Variants in CNTNAP4 observed in about 807,000 individuals in gnomAD.
CNTNAP4 encodes contactin associated protein family member 4, also known as contactin-associated protein-like 4.
CNTNAP4 carries 98 observed loss-of-function variants against 148.4 expected under a neutral mutation model. That is an observed-to-expected ratio of 0.66 (90% CI 0.56 to 0.78). The LOEUF (loss-of-function observed/expected upper bound fraction) is 0.78. Among genes scored for constraint, CNTNAP4 ranks in the 30% least tolerant of loss-of-function variants. The pLI is 0.00. For missense variants in CNTNAP4, 1,935 were observed against 1,565.6 expected (o/e 1.24, Z -3.98); for synonymous variants, 730 against 565.1 (o/e 1.29, Z -4.14).
At chr16:76,320,177 A>G (rs540081585) in intron 2 of CNTNAP4, among the ~76,000 whole-genome samples, 9 of 152,214 alleles carry the variant, frequency 5.9e-5, no homozygotes, top group Non-Finnish European at 1.2e-4. Context: ...AGGGAAAGCA[A>G]TCCTTGTTAA....
intron 3 of CNTNAP4, among the ~76,000 whole-genome samples, chr16:76,414,379 A>C (rs2078906481): frequency 6.6e-6 from 1 of 151,400 alleles, no homozygotes; most frequent in Non-Finnish European, 1.5e-5. Context: ...AACTCGATTG[A>C]GATATGATTT....
chr16:76,363,696 G>C (rs566530215), intron 3 of CNTNAP4, among the ~76,000 whole-genome samples: 1 of 152,128 alleles, frequency 6.6e-6, no homozygotes, highest in South Asian at 2.1e-4. Context: ...AAGTGAACAG[G>C]CATCCTAAAG....
At chr16:76,351,348 C>CAT (rs1237789822) in intron 2 of CNTNAP4, among the ~76,000 whole-genome samples, 1 of 149,190 alleles carries the variant, frequency 6.7e-6, no homozygotes, top group Non-Finnish European at 1.5e-5. Flanking sequence ...CACTAGCTGT[C>CAT]ATCATAGGCT....
At chr16:76,373,930 C>G (rs901025139) in intron 3 of CNTNAP4, among the ~76,000 whole-genome samples, 2 of 145,918 alleles carry the variant, frequency 1.4e-5, no homozygotes, top group African/African-American at 5.0e-5. Flanking sequence ...GGAAAGGAAA[C>G]AGGAAGCCAA....
At chr16:76,325,135 A>C (rs982618767) in intron 2 of CNTNAP4, among the ~76,000 whole-genome samples, 3 of 152,192 alleles carry the variant, frequency 2.0e-5, no homozygotes, top group African/African-American at 7.2e-5. Flanking sequence ...TGTAAAGGAA[A>C]ATGGACAGAA....
intron 12 of CNTNAP4, among the ~76,000 whole-genome samples, chr16:76,488,380 A>C (rs1223313840): frequency 2.0e-5 from 3 of 152,164 alleles, no homozygotes; most frequent in Non-Finnish European, 4.4e-5. Flanking sequence ...GGGAAATACA[A>C]AAATAACAGC....
intron 3 of CNTNAP4, among the ~76,000 whole-genome samples, chr16:76,384,307 G>C (rs938566155): frequency 2.6e-5 from 4 of 152,098 alleles, no homozygotes; most frequent in African/African-American, 9.7e-5. Flanking sequence ...CTCCCAAAGT[G>C]CTGGGATTAC....
At chr16:76,340,148 C>T (rs1032337397) in intron 2 of CNTNAP4, among the ~76,000 whole-genome samples, 3 of 152,114 alleles carry the variant, frequency 2.0e-5, no homozygotes, top group Non-Finnish European at 4.4e-5. Context: ...ACCATCCAAC[C>T]TGCTTTTACC....
intron 4 of CNTNAP4, among the ~76,000 whole-genome samples, chr16:76,428,033 C>T (rs147986637): frequency 1.3e-5 from 2 of 152,190 alleles, no homozygotes; most frequent in Admixed American, 1.3e-4. Flanking sequence ...AGCCTAAAAA[C>T]AATATCATGC....
At chr16:76,361,410 T>C (rs769011326) in intron 3 of CNTNAP4, among the ~76,000 whole-genome samples, 1 of 152,248 alleles carries the variant, frequency 6.6e-6, no homozygotes, top group African/African-American at 2.4e-5. Context: ...TTATTTGTTC[T>C]TCTGTGACTG....
At chr16:76,552,150 A>AACGT (rs1378563557) in intron 21 of CNTNAP4, among the ~76,000 whole-genome samples, 1 of 151,760 alleles carries the variant, frequency 6.6e-6, no homozygotes, top group Non-Finnish European at 1.5e-5. Flanking sequence ...GAGAGAGAAG[A>AACGT]AGGATGAACT....
intron 3 of CNTNAP4, among the ~76,000 whole-genome samples, chr16:76,392,331 A>G (rs2078052829): frequency 6.6e-6 from 1 of 152,170 alleles, no homozygotes; most frequent in African/African-American, 2.4e-5. Context: ...TACGTTAGGA[A>G]AATGTTCCTA....
At chr16:76,309,798 G>A (rs1960894093) in intron 1 of CNTNAP4, 4 of 698,624 alleles carry the variant, frequency 5.7e-6, no homozygotes, top group Middle Eastern at 3.6e-4. Context: ...GTGATAGTGA[G>A]TAAGTGTCAT....
intron 3 of CNTNAP4, among the ~76,000 whole-genome samples, chr16:76,361,248 A>G (rs1429065514): frequency 6.6e-6 from 1 of 152,148 alleles, no homozygotes; most frequent in Admixed American, 6.5e-5. Context: ...GCAGGACTCA[A>G]TCGTTTTGCT....
intron 2 of CNTNAP4, among the ~76,000 whole-genome samples, chr16:76,342,465 CTTTTTTTTTTTTTT>C (rs397854943): frequency 1.1e-5 from 1 of 91,490 alleles, no homozygotes; most frequent in Non-Finnish European, 2.0e-5. Context: ...TTGCTAATTT[CTTTTTTTTTTTTTT>C]TTTTTTTTTT....
intron 3 of CNTNAP4, among the ~76,000 whole-genome samples, chr16:76,379,982 A>G (rs1433876680): frequency 6.6e-6 from 1 of 152,140 alleles, no homozygotes; most frequent in East Asian, 1.9e-4. Context: ...ATTTTTGTCT[A>G]TCTACTTTAA....
intron 2 of CNTNAP4, among the ~76,000 whole-genome samples, chr16:76,340,695 A>C (rs1964397251): frequency 6.6e-6 from 1 of 152,222 alleles, no homozygotes; most frequent in African/African-American, 2.4e-5. Flanking sequence ...TCAGGAAGGC[A>C]GAGACTTACT....
At chr16:76,391,888 A>G (rs1386175090) in intron 3 of CNTNAP4, among the ~76,000 whole-genome samples, 1 of 152,188 alleles carries the variant, frequency 6.6e-6, no homozygotes, top group Non-Finnish European at 1.5e-5. Context: ...GTGCACACCC[A>G]AGTTTGAATT....
chr16:76,533,222 G>A (rs975607173), intron 17 of CNTNAP4, among the ~76,000 whole-genome samples: 3 of 152,090 alleles, frequency 2.0e-5, no homozygotes, highest in Non-Finnish European at 4.4e-5. Flanking sequence ...TATGTTTAGT[G>A]AAATAAACCA....
Sources: allele counts gnomAD v4.1 joint callset (sites outside exome capture counted in the v4.1 genomes callset), GRCh38; gene constraint gnomAD v4.1.1; transcripts MANE v1.5; gene names NCBI Gene and HGNC (gene_info 2026-07-23, HGNC 2026-07-21).